ANKRD13D: variants seen among roughly 807,000 people sequenced by gnomAD.
ANKRD13D encodes ankyrin repeat domain-containing protein 13D.
In ANKRD13D, 24 loss-of-function variants were observed where a neutral mutation model predicts 68.8. The observed-to-expected ratio is 0.35, with a 90% CI of 0.25 to 0.49. The LOEUF is 0.49. ANKRD13D is among the 20% of genes least tolerant of loss of function. ANKRD13D has a pLI of 0.99. For synonymous variants in ANKRD13D, 331 were observed against 336.1 expected, an observed-to-expected ratio of 0.98 and a Z score of 0.16; for missense variants, 735 against 832.1, an observed-to-expected ratio of 0.88 and a Z score of 1.44.
At chr11:67,292,208 T>G in intron 6 of ANKRD13D, 28 bp downstream of exon 6, 1 of 1,562,716 alleles carries the variant, frequency 6.4e-7, no homozygotes, top group Non-Finnish European at 8.7e-7. Context: ...ACACCGTGGG[T>G]GGGATGGGGA....
At chr11:67,295,341 C>T (rs949977649) in intron 6 of ANKRD13D, among the ~76,000 whole-genome samples, 5 of 151,712 alleles carry the variant, frequency 3.3e-5, no homozygotes, top group African/African-American at 4.8e-5. Context: ...GGTGTGAACC[C>T]GGGAGGCAGA....
At position 67,289,457 on chromosome 11, in the gene ANKRD13D, C is replaced by T. The variant is rs1359891378; in HGVS notation, c.-4C>T. The T allele has an allele frequency of 1.3e-6, 2 of 1,488,486 alleles. No individual in the cohort carries two copies. The highest frequency in any genetic ancestry group is 2.2e-5 in the Admixed American group (1 of 46,012). The allele number at this position is 1,488,486 out of a possible 1,614,324, so 92.2% of individuals were successfully genotyped here. A position where few individuals can be genotyped will look rare whatever the true frequency, so the allele number is the denominator to read the frequency against. The stretch of plus-strand genomic sequence containing the variant: ...GGGGCCGGGATGCGGCGCTGAGGCC[C>T]AGCATGGCCGGCCCGGGCCCCACCT... On this transcript the variant is annotated 5_prime_UTR_variant, in exon 1 of 15. Transcript: ENST00000511455.
chr11:67,290,496 C>A (rs1489096182), intron 3 of ANKRD13D, 50 bp downstream of exon 3: 2 of 1,519,138 alleles, frequency 1.3e-6, no homozygotes, highest in Admixed American at 4.0e-5. Context: ...AGGGCACCAC[C>A]CTGGTTACTG....
Position 67,289,534 on chromosome 11 carries a change from C to T in ANKRD13D, c.74C>T (p.Ala25Val), listed in dbSNP as rs1860439518. The T allele has an allele frequency of 7.9e-6, 12 of 1,525,096 alleles. No homozygotes were observed. The highest frequency in any genetic ancestry group is 1.0e-5 in the Non-Finnish European group (12 of 1,143,186). 94.5% of individuals were successfully genotyped at this position (1,525,096 alleles called of 1,614,324 possible). Residue 25 changes from alanine to valine, a missense_variant, in exon 1 of 15, where the codon GCA becomes GTA. Ala to Val is a moderately conservative substitution (Grantham distance 64). Transcript: ENST00000511455. ...AACCGGCATCGCGAACTGGAGGCCGCACTGCACAGCCACCAGGTGAGGCCC... is the reference window on the plus strand; with the variant it reads ...AACCGGCATCGCGAACTGGAGGCCGTACTGCACAGCCACCAGGTGAGGCCC... ...WANRHRELEA[A>V]LHSHQHDIEQ...
chr11:67,299,308 A>T lies in ANKRD13D; in HGVS notation c.798+184A>T. 1.4e-6 allele frequency: 1 copy of T among 739,730 alleles called. No homozygotes were observed. The allele number at this position is 739,730 out of a possible 1,614,324, so 45.8% of individuals were successfully genotyped here. The stretch of plus-strand genomic sequence containing the variant: ...GGGCTCACCCACATCATGGGCCCCT[A>T]CCCAGGGTACCGAGATCAAAAGAGG... On this transcript the variant is annotated intron_variant, in intron 7 of 14. Coordinates refer to ENST00000511455, the MANE Select transcript of ANKRD13D (RefSeq NM_207354.3). This position sits in a 1 kb window ranked among gnomAD's most constrained non-coding sequence, Gnocchi z 6.2.
Position 67,299,563 on chromosome 11 carries a change from C to T in ANKRD13D, c.832C>T (p.Arg278Cys), listed in dbSNP as rs746524696. 1.7e-5 allele frequency: 26 copies of T among 1,551,002 alleles called. No homozygotes were observed. Among genetic ancestry groups the T allele is most frequent in the African/African-American group, 2.7e-5 (2 of 73,040 alleles). ...TGCCACCAACGTGGAGCTGGTGACACGCACACGCACGGAGCACCTCTCTGA... is the reference window on the plus strand; with the variant it reads ...TGCCACCAACGTGGAGCTGGTGACATGCACACGCACGGAGCACCTCTCTGA... ...YSATNVELVT[R>C]TRTEHLSDQD... The change falls in exon 8 of 15, where the codon CGC (arginine) becomes TGC (cysteine). Residue 278 changes from arginine to cysteine, a missense_variant. Arg to Cys is a radical substitution (Grantham distance 180). Transcript: ENST00000511455. This position sits in a 1 kb window ranked among gnomAD's most constrained non-coding sequence, Gnocchi z 6.2.
At position 67,299,065 on chromosome 11, in the gene ANKRD13D, TGTG is replaced by T; in HGVS notation, c.742_744del (p.Gly248del). On this transcript the variant is annotated inframe_deletion, in exon 7 of 15. Coordinates refer to ENST00000511455, the MANE Select transcript of ANKRD13D (RefSeq NM_207354.3). The surrounding 1 kb of genome is among the most constrained non-coding windows in gnomAD (Gnocchi z 6.2). ...CTGTTTGGTCTGTTTCAGGAACAAA[TGTG>T]GTATCTGGGGCTGGCGGTCTGAGAA... 1.2e-6 allele frequency: 2 copies of T among 1,612,690 alleles called. No individual in the cohort carries two copies. The highest frequency in any genetic ancestry group is 1.1e-5 in the South Asian group (1 of 91,048).
Position 67,300,302 on chromosome 11 carries a change from G to A in ANKRD13D, c.1073+179G>A, listed in dbSNP as rs943237655. On this transcript the variant is annotated intron_variant, in intron 10 of 14. Transcript: ENST00000511455. The surrounding 1 kb of genome is among the most constrained non-coding windows in gnomAD (Gnocchi z 4.3). ...GTCCTCAGCCCTTAGCAAGGGGCTTGGCACAGAAAACCGGTAGTTTGTCTT... is the reference window on the plus strand; with the variant it reads ...GTCCTCAGCCCTTAGCAAGGGGCTTAGCACAGAAAACCGGTAGTTTGTCTT... 8.3e-6 allele frequency: 7 copies of A among 839,310 alleles called. No homozygotes were observed. In the African/African-American group the frequency reaches 1.0e-4, roughly 13 times the overall value. The allele number at this position is 839,310 out of a possible 1,614,324, so 52.0% of individuals were successfully genotyped here.
intron 3 of ANKRD13D, 42 bp from the exon 4 acceptor site, chr11:67,291,434 G>A (rs1428676933): frequency 6.3e-7 from 1 of 1,598,078 alleles, no homozygotes; most frequent in Non-Finnish European, 8.5e-7. Flanking sequence ...GCTGGAGCCA[G>A]CAGCAGGCAG....
In ANKRD13D at chr11:67,291,695, G is replaced by C. The variant is rs140647228; in HGVS notation, c.490G>C (p.Glu164Gln). 14 of 1,613,980 alleles carry C rather than the reference G, an allele frequency of 8.7e-6. No individual in the cohort carries two copies. The South Asian group carries it at 1.3e-4, about 15-fold the overall frequency. The change falls in exon 5 of 15, where the codon GAG becomes CAG. Residue 164 changes from glutamate to glutamine, a missense_variant. Physicochemically the swap from Glu to Gln is conservative, Grantham distance 29. Coordinates refer to ENST00000511455, the MANE Select transcript of ANKRD13D (RefSeq NM_207354.3). ...LRVDTSLLGF[E>Q]HMTWQRGRRS... is the part of the protein sequence containing the mutation. ...AGTAGACACCAGTCTCCTGGGCTTC[G>C]AGCACATGACCTGGCAGCGGGGCCG...
chr11:67,295,950 A>G (rs1206817226), intron 6 of ANKRD13D, among the ~76,000 whole-genome samples: 5 of 152,100 alleles, frequency 3.3e-5, no homozygotes, highest in Admixed American at 2.6e-4. Flanking sequence ...AGGATGTTGG[A>G]TTTTGTGAAA....
chr11:67,301,765 C>T lies in ANKRD13D; in HGVS notation c.1546C>T (p.Pro516Ser). The T allele has an allele frequency of 6.2e-7, 1 of 1,610,368 alleles. No individual in the cohort carries two copies. Among genetic ancestry groups the T allele is most frequent in the Non-Finnish European group, 8.5e-7 (1 of 1,179,094 alleles). ...CTGGGAAGCCCTGACCAACACCCGG[C>T]CCGGTGCCCGCCCTCCTCCCCAGGC... ...TVWEALTNTR[P>S]GARPPPQATV... Residue 516 changes from proline to serine, a missense_variant, in exon 14 of 15, where the codon CCC (proline) becomes TCC (serine). Pro to Ser is a moderately conservative substitution (Grantham distance 74). Transcript: ENST00000511455. This position sits in a 1 kb window ranked among gnomAD's most constrained non-coding sequence, Gnocchi z 4.5.
chr11:67,301,138 G>A lies in ANKRD13D; in HGVS notation c.1222G>A (p.Val408Ile), dbSNP rs751493163. 9.9e-6 allele frequency: 16 copies of A among 1,613,522 alleles called. No homozygotes were observed. The highest frequency in any genetic ancestry group is 3.3e-5 in the South Asian group (3 of 91,020). ...TCTGCGCCTTCCACCTGGCTTCCCC[G>A]TCAAAATTGGTGAGAGGCTGGGCAC... ...ITLRLPPGFPVKIEIPLFHVL... is the reference protein window; with the variant it reads ...ITLRLPPGFPIKIEIPLFHVL... The change falls in exon 11 of 15, where the codon GTC becomes ATC. Residue 408 changes from valine to isoleucine, a missense_variant. Physicochemically the swap from Val to Ile is conservative, Grantham distance 29. Transcript: ENST00000511455. The surrounding 1 kb of genome is among the most constrained non-coding windows in gnomAD (Gnocchi z 4.5).
chr11:67,296,492 A>G (rs550998629), intron 6 of ANKRD13D, among the ~76,000 whole-genome samples: 3 of 152,178 alleles, frequency 2.0e-5, no homozygotes, highest in South Asian at 4.1e-4. Context: ...GAATTTGTCC[A>G]TTTCATCTAA....
At chr11:67,291,148 A>C (rs1387174623) in intron 3 of ANKRD13D, 2 of 308,336 alleles carry the variant, frequency 6.5e-6, no homozygotes, top group East Asian at 1.8e-4. Context: ...ACTTGAGCCC[A>C]GGAGGTGGAG....
chr11:67,302,454 C>CT lies in ANKRD13D; in HGVS notation c.*123dup. On this transcript the variant is annotated 3_prime_UTR_variant, in exon 15 of 15. Transcript: ENST00000511455. The stretch of plus-strand genomic sequence containing the variant: ...CCCAGGAATGAGCAGGCAGGGGAGA[C>CT]TGAGATGGAAATAAAGAGACTGTCG... 7.4e-7 allele frequency: 1 copy of CT among 1,359,916 alleles called. No individual in the cohort carries two copies. Among genetic ancestry groups the CT allele is most frequent in the South Asian group, 1.6e-5 (1 of 60,842 alleles). 84.2% of individuals were successfully genotyped at this position (1,359,916 alleles called of 1,614,324 possible). A position where few individuals can be genotyped will look rare whatever the true frequency, so the allele number is the denominator to read the frequency against.
At position 67,299,291 on chromosome 11, in the gene ANKRD13D, C is replaced by T. The variant is rs1217396838; in HGVS notation, c.798+167C>T. 3.7e-6 allele frequency: 3 copies of T among 809,210 alleles called. No homozygotes were observed. The African/African-American group carries it at 5.1e-5, about 14-fold the overall frequency. 50.1% of individuals were successfully genotyped at this position (809,210 alleles called of 1,614,324 possible). On this transcript the variant is annotated intron_variant, in intron 7 of 14. Transcript: ENST00000511455. This position sits in a 1 kb window ranked among gnomAD's most constrained non-coding sequence, Gnocchi z 6.2. ...CCCCTGCGGAGTACACAGGGCTCAC[C>T]CACATCATGGGCCCCTACCCAGGGT... is the stretch of plus-strand genomic sequence containing the variant.
At chr11:67,289,841 T>C in intron 1 of ANKRD13D, 1 of 1,422,556 alleles carries the variant, frequency 7.0e-7, no homozygotes, top group Non-Finnish European at 9.2e-7. Flanking sequence ...TCCGCCAAAC[T>C]CCTGACAACC....
chr11:67,292,502 AT>A (rs924028025), intron 6 of ANKRD13D, among the ~76,000 whole-genome samples: 1 of 152,026 alleles, frequency 6.6e-6, no homozygotes, highest in African/African-American at 2.4e-5. Context: ...TTGGCTTGTC[AT>A]TGGTGCGGCT....
Sources: gnomAD v4.1 joint callset for allele counts (sites outside exome capture counted in the v4.1 genomes callset) on GRCh38, gnomAD v4.1.1 for gene constraint, Gnocchi (gnomAD v3.1) non-coding constraint, MANE v1.5 for transcripts, NCBI Gene and HGNC (gene_info 2026-07-23, HGNC 2026-07-21) for gene names.